RNGTT: variants seen among roughly 807,000 people sequenced by gnomAD.
RNGTT encodes the protein RNA guanylyltransferase and 5'-phosphatase.
RNGTT carries 33 observed loss-of-function variants against 79.3 expected under a neutral mutation model. The ratio of observed to expected loss-of-function variants is 0.42; its 90% confidence interval spans 0.32 to 0.56. The LOEUF is 0.56. Among genes scored for constraint, RNGTT ranks in the 20% least tolerant of loss-of-function variants. RNGTT has a pLI of 0.17. For missense variants in RNGTT, 497 were observed against 739.1 expected (o/e 0.67, Z 3.80); for synonymous variants, 222 against 235.9 (o/e 0.94, Z 0.54).
chr6:88,707,817 A>G (rs947380815), intron 13 of RNGTT, among the ~76,000 whole-genome samples: 27 of 151,796 alleles, frequency 1.8e-4, no homozygotes, highest in Admixed American at 1.2e-3. Context: ...TCCTTTTCCA[A>G]TCATGATAAA....
intron 11 of RNGTT, among the ~76,000 whole-genome samples, chr6:88,810,479 T>C (rs1232078721): frequency 2.0e-5 from 3 of 152,112 alleles, no homozygotes; most frequent in African/African-American, 4.8e-5. Flanking sequence ...GGGAAGTGTA[T>C]TCAGCAACGA....
At position 88,769,858 on chromosome 6, in the gene RNGTT, C is replaced by T. The variant is rs1296595962; in HGVS notation, c.1355G>A (p.Arg452Gln). 1 of 1,609,720 alleles carries T rather than the reference C, an allele frequency of 6.2e-7. No individual in the cohort carries two copies. Among genetic ancestry groups the T allele is most frequent in the Non-Finnish European group, 8.5e-7 (1 of 1,177,186 alleles). ...FQPTGKYKPG[R>Q]CDDILKWKPP... The stretch of plus-strand genomic sequence containing the variant: ...CTTCCATTTCAAAATATCATCACAT[C>T]GACCAGGTTTGTATTTCTAAAGCCA... Residue 452 changes from arginine (R) to glutamine (Q), a missense_variant, in exon 13 of 16, where the codon CGA becomes CAA. Around this residue, in one of 3 missense-constraint regions of RNGTT, gnomAD observed 440 missense variants for 671.5 expected, o/e 0.66. Transcript: ENST00000369485.
chr6:88,857,775 C>T (rs890799678), intron 8 of RNGTT, among the ~76,000 whole-genome samples: 4 of 151,904 alleles, frequency 2.6e-5, no homozygotes, highest in Non-Finnish European at 5.9e-5. Context: ...TAGAGTAAAG[C>T]CTATACCAAA....
rs535626775 is a variant in RNGTT, at chr6:88,834,414, A to C, written c.1269+9943T>G. Among the ~76,000 whole-genome samples, 14 of 152,372 alleles carry C rather than the reference A, an allele frequency of 9.2e-5. No individual in the cohort carries two copies. The South Asian group carries it at 2.9e-3, about 32-fold the overall frequency. On this transcript the variant is annotated intron_variant, in intron 11 of 15. Transcript: ENST00000369485. ...TTCAATAATCAATAATGAATGACAT[A>C]TTAATAGACTAGATAATGCAAAACT...
At chr6:88,937,388 G>A (rs974842351) in intron 2 of RNGTT, among the ~76,000 whole-genome samples, 1 of 151,784 alleles carries the variant, frequency 6.6e-6, no homozygotes, top group Non-Finnish European at 1.5e-5. Context: ...TATTTCTGTG[G>A]TATCAACTGT....
chr6:88,899,489 G>A (rs1289663718), intron 6 of RNGTT, among the ~76,000 whole-genome samples: 1 of 151,898 alleles, frequency 6.6e-6, no homozygotes. Context: ...CGTTGCCCAG[G>A]CTAGTCTCAA....
chr6:88,898,303 T>C (rs184782375), intron 6 of RNGTT, among the ~76,000 whole-genome samples: 34 of 152,330 alleles, frequency 2.2e-4, no homozygotes, highest in African/African-American at 7.9e-4. Context: ...TACTGTTAAA[T>C]TGCTCCCTTT....
chr6:88,668,532 CA>C (rs1344042505), intron 14 of RNGTT, among the ~76,000 whole-genome samples: 1 of 152,148 alleles, frequency 6.6e-6, no homozygotes, highest in Non-Finnish European at 1.5e-5. Flanking sequence ...AGAGGTAGGG[CA>C]ACAAGTTAAA....
At chr6:88,927,869 A>G (rs981589523) in intron 4 of RNGTT, among the ~76,000 whole-genome samples, 1 of 151,590 alleles carries the variant, frequency 6.6e-6, no homozygotes, top group East Asian at 1.9e-4. Context: ...GAAACTTTAC[A>G]TTGCATCCTC....
At chr6:88,921,221 T>C (rs995685706) in intron 4 of RNGTT, among the ~76,000 whole-genome samples, 3 of 152,070 alleles carry the variant, frequency 2.0e-5, no homozygotes, top group Non-Finnish European at 4.4e-5. Context: ...GTAGTAAACA[T>C]TTGTGATGTG....
intron 14 of RNGTT, among the ~76,000 whole-genome samples, chr6:88,657,701 A>G (rs1774031451): frequency 6.6e-6 from 1 of 152,118 alleles, no homozygotes; most frequent in Non-Finnish European, 1.5e-5. Context: ...CCATGAATAT[A>G]AACTTGGTGC....
chr6:88,868,441 A>G (rs1357469589), intron 8 of RNGTT, among the ~76,000 whole-genome samples: 1 of 152,186 alleles, frequency 6.6e-6, no homozygotes, highest in Non-Finnish European at 1.5e-5. Context: ...CTTAACTGTA[A>G]GAGCTTACAA....
chr6:88,859,037 G>A (rs949353845), intron 8 of RNGTT, among the ~76,000 whole-genome samples: 2 of 151,644 alleles, frequency 1.3e-5, no homozygotes, highest in Non-Finnish European at 1.5e-5. Flanking sequence ...TGTCACCCAG[G>A]CTGGAGTGCA....
chr6:88,802,190 A>G (rs1436380377), intron 11 of RNGTT, among the ~76,000 whole-genome samples: 1 of 152,222 alleles, frequency 6.6e-6, no homozygotes, highest in Non-Finnish European at 1.5e-5. Context: ...ACCACAAACC[A>G]GCTCAAACAT....
At chr6:88,858,541 T>C (rs1429937971) in intron 8 of RNGTT, among the ~76,000 whole-genome samples, 1 of 152,180 alleles carries the variant, frequency 6.6e-6, no homozygotes, top group South Asian at 2.1e-4. Flanking sequence ...TACTGAGCAA[T>C]TACTATGTTC....
At chr6:88,833,763 C>A (rs150802793) in intron 11 of RNGTT, among the ~76,000 whole-genome samples, 3 of 152,300 alleles carry the variant, frequency 2.0e-5, no homozygotes, top group Non-Finnish European at 2.9e-5. Flanking sequence ...GTGGCTCACA[C>A]CTGTAATCCC....
chr6:88,880,968 G>A (rs2127927529), intron 8 of RNGTT, among the ~76,000 whole-genome samples: 1 of 152,188 alleles, frequency 6.6e-6, no homozygotes, highest in South Asian at 2.1e-4. Context: ...TTACAAGACA[G>A]TTCAATTCCA....
At chr6:88,859,861 G>T (rs1274802614) in intron 8 of RNGTT, among the ~76,000 whole-genome samples, 3 of 152,192 alleles carry the variant, frequency 2.0e-5, no homozygotes, top group Admixed American at 2.0e-4. Flanking sequence ...TTAACACGAA[G>T]TAAGCTGGCA....
chr6:88,892,013 T>C, intron 6 of RNGTT, 98 bp from the exon 7 acceptor site: 1 of 807,896 alleles, frequency 1.2e-6, no homozygotes, highest in Non-Finnish European at 1.8e-6. Flanking sequence ...ATTAGTTTGT[T>C]CTCACAAATC....
Sources: gnomAD v4.1 joint callset for allele counts (sites outside exome capture counted in the v4.1 genomes callset) on GRCh38, gnomAD v4.1.1 for gene constraint, gnomAD v4.1.1 regional missense constraint, MANE v1.5 for transcripts, NCBI Gene and HGNC (gene_info 2026-07-23, HGNC 2026-07-21) for gene names.